The following SEC14L5 variants were observed in gnomAD, a reference collection of about 807,000 sequenced individuals.
The protein encoded by SEC14L5 is SEC14-like protein 5.
SEC14L5 carries 96 observed loss-of-function variants against 84.6 expected under a neutral mutation model. The ratio of observed to expected loss-of-function variants is 1.13; its 90% confidence interval spans 0.96 to 1.34. The LOEUF (loss-of-function observed/expected upper bound fraction) is 1.34. Ranked by LOEUF, SEC14L5 falls within the 40% of genes most tolerant of loss-of-function variation. SEC14L5 has a pLI of 0.00. For synonymous variants in SEC14L5, 546 were observed against 383.4 expected, an observed-to-expected ratio of 1.42 and a Z score of -4.95; for missense variants, 1,224 against 942.5, an observed-to-expected ratio of 1.30 and a Z score of -3.91.
intron 8 of SEC14L5, among the ~76,000 whole-genome samples, chr16:4,999,083 G>A (rs1955647528): frequency 6.6e-6 from 1 of 152,136 alleles, no homozygotes; most frequent in African/African-American, 2.4e-5. Flanking sequence ...CCTATTTAAT[G>A]CCACATTGTT....
At chr16:5,013,881 T>TG (rs1426536857) in intron 15 of SEC14L5, among the ~76,000 whole-genome samples, 2 of 151,848 alleles carry the variant, frequency 1.3e-5, no homozygotes, top group African/African-American at 4.8e-5. Context: ...TTTGTAGAGA[T>TG]GGGGTCTCAC....
chr16:5,011,047 T>A (rs946072934), intron 14 of SEC14L5, 48 bp from the exon 15 acceptor site: 25 of 1,534,922 alleles, frequency 1.6e-5, no homozygotes, highest in Non-Finnish European at 2.2e-5. Context: ...CTCCTTGACC[T>A]GTCCTCTGGA....
At chr16:4,998,253 C>G (rs558921945) in intron 8 of SEC14L5, among the ~76,000 whole-genome samples, 18 of 151,460 alleles carry the variant, frequency 1.2e-4, no homozygotes, top group African/African-American at 4.4e-4. Context: ...GTGATCCGCC[C>G]GCCTTGGCCT....
Position 5,007,427 on chromosome 16 carries a change from C to T in SEC14L5, c.1513C>T (p.Leu505=). 1 of 1,613,854 alleles carries T rather than the reference C, an allele frequency of 6.2e-7. No homozygotes were observed. Among genetic ancestry groups the T allele is most frequent in the Non-Finnish European group, 8.5e-7 (1 of 1,179,826 alleles). Reference sequence around the variant, plus strand: ...AGAGGAGCAGGAGCACACGGACCAGCTGTGGCAGTGGAGTGAGACCTACCA... The same window carrying T: ...AGAGGAGCAGGAGCACACGGACCAGTTGTGGCAGTGGAGTGAGACCTACCA... ...TEEEQEHTDQ[L]WQWSETYHSA... The change falls in exon 13 of 16, where the codon CTG becomes TTG. Residue 505 remains leucine, a synonymous_variant. Coordinates refer to ENST00000251170, the MANE Select transcript of SEC14L5 (RefSeq NM_014692.2).
chr16:4,971,655 G>A (rs997669535), intron 2 of SEC14L5, among the ~76,000 whole-genome samples: 7 of 152,172 alleles, frequency 4.6e-5, no homozygotes, highest in Non-Finnish European at 1.0e-4. Context: ...AGAGCTTTGG[G>A]CTGCGCACCT....
chr16:4,970,889 C>T (rs1955268225), intron 2 of SEC14L5, among the ~76,000 whole-genome samples: 1 of 152,120 alleles, frequency 6.6e-6, no homozygotes, highest in South Asian at 2.1e-4. Context: ...GCGGGTGGAT[C>T]ACGAGGTCAG....
At chr16:4,977,537 C>G (rs1282221139) in intron 2 of SEC14L5, among the ~76,000 whole-genome samples, 3 of 148,176 alleles carry the variant, frequency 2.0e-5, no homozygotes, top group South Asian at 4.3e-4. Context: ...TAAATGCCTA[C>G]CAAGGGCAAC....
intron 1 of SEC14L5, among the ~76,000 whole-genome samples, chr16:4,958,782 CAT>C (rs1451962843): frequency 6.6e-6 from 1 of 151,970 alleles, no homozygotes; most frequent in African/African-American, 2.4e-5. Flanking sequence ...TGCGTGTGTA[CAT>C]GTGTGTGATA....
rs1455898753 is a variant in SEC14L5 at position 4,978,155 on chromosome 16, C to CT, written c.64-9401dup. On this transcript the variant is annotated intron_variant, in intron 2 of 15. Transcript: ENST00000251170. ...CTTGGCCGGGCGCGGTGGCTCACGC[C>CT]TGTAATCCCAGCACTTTGGGAGGGC... Among the ~76,000 whole-genome samples, 5 of 98,460 alleles carry CT rather than the reference C, an allele frequency of 5.1e-5. 1 individual carries two copies. The highest frequency in any genetic ancestry group is 3.3e-4 in the Admixed American group (3 of 9,178). 64.6% of individuals were successfully genotyped at this position (98,460 alleles called of 152,430 possible). A position where few individuals can be genotyped will look rare whatever the true frequency, so the allele number is the denominator to read the frequency against.
At chr16:4,991,162 CTTTTTTTTTTTTT>C (rs35980290) in intron 5 of SEC14L5, among the ~76,000 whole-genome samples, 3 of 85,476 alleles carry the variant, frequency 3.5e-5, no homozygotes, top group Non-Finnish European at 6.9e-5. Flanking sequence ...TTCTGTGGTG[CTTTTTTTTTTTTT>C]TTTTTTTTTT....
intron 2 of SEC14L5, among the ~76,000 whole-genome samples, chr16:4,961,260 G>A (rs770814449): frequency 2.6e-5 from 4 of 152,102 alleles, no homozygotes; most frequent in East Asian, 1.9e-4. Flanking sequence ...GTGACAGAGC[G>A]AGACTCCGTC....
chr16:4,986,875 A>G (rs912469104), intron 2 of SEC14L5, among the ~76,000 whole-genome samples: 1 of 152,118 alleles, frequency 6.6e-6, no homozygotes, highest in Non-Finnish European at 1.5e-5. Context: ...TATTGGTTTT[A>G]TATCCTGCAA....
In SEC14L5 at chr16:4,990,674, C is replaced by A. The variant is rs867858814; in HGVS notation, c.346-93C>A. The A allele has an allele frequency of 5.4e-6, 7 of 1,288,490 alleles. No individual in the cohort carries two copies. In the East Asian group the frequency reaches 1.6e-4, roughly 30 times the overall value. The allele number at this position is 1,288,490 out of a possible 1,614,324, so 79.8% of individuals were successfully genotyped here. A position where few individuals can be genotyped will look rare whatever the true frequency, so the allele number is the denominator to read the frequency against. On this transcript the variant is annotated intron_variant, in intron 4 of 15. Transcript: ENST00000251170. ...GGCTTGATCTGCTTTCCACTGCAGG[C>A]TCTGCCTGGGCCCAGGTCAGTGGGA...
chr16:4,972,626 G>A (rs1299815766), intron 2 of SEC14L5, among the ~76,000 whole-genome samples: 1 of 152,214 alleles, frequency 6.6e-6, no homozygotes, highest in Non-Finnish European at 1.5e-5. Flanking sequence ...TGGACACAAT[G>A]TCTTCCAGGT....
chr16:5,003,472 C>G lies in SEC14L5; in HGVS notation c.1201C>G (p.Leu401Val), dbSNP rs746778339. 1 of 1,613,228 alleles carries G rather than the reference C, an allele frequency of 6.2e-7. No homozygotes were observed. Among genetic ancestry groups the G allele is most frequent in the East Asian group, 2.2e-5 (1 of 44,878 alleles). ...RHLWRPGVKALLRMIEVVEDN... is the reference protein window; with the variant it reads ...RHLWRPGVKAVLRMIEVVEDN... ...CCTGTGGCGGCCGGGGGTGAAGGCC[C>G]TGCTGCGGATGATTGAGGTGGTTGA... Residue 401 changes from leucine (L) to valine (V), a missense_variant, in exon 11 of 16, where the codon CTG (leucine) becomes GTG (valine). Leu to Val is a conservative substitution (Grantham distance 32). Transcript: ENST00000251170.
At position 4,971,187 on chromosome 16, in the gene SEC14L5, T is replaced by A. The variant is rs557557762; in HGVS notation, c.63+11801T>A. Among the ~76,000 whole-genome samples, 7 of 151,694 alleles carry A rather than the reference T, an allele frequency of 4.6e-5. No individual in the cohort carries two copies. The East Asian group carries it at 1.4e-3, about 29-fold the overall frequency. ...AACAGGCAAAACTGGCCAGGGGCGG[T>A]GGCTTACGCCTATAATCGTAGCACT... is the stretch of plus-strand genomic sequence containing the variant. On this transcript the variant is annotated intron_variant, in intron 2 of 15. Coordinates refer to ENST00000251170, the MANE Select transcript of SEC14L5 (RefSeq NM_014692.2).
intron 4 of SEC14L5, among the ~76,000 whole-genome samples, chr16:4,988,849 G>A (rs1955523641): frequency 6.6e-6 from 1 of 152,278 alleles, no homozygotes; most frequent in Non-Finnish European, 1.5e-5. Flanking sequence ...GCACCCAGCA[G>A]TGGACCAGGC....
intron 2 of SEC14L5, among the ~76,000 whole-genome samples, chr16:4,973,084 A>T (rs893083281): frequency 1.2e-4 from 19 of 152,254 alleles, no homozygotes; most frequent in Non-Finnish European, 2.2e-4. Context: ...AAACAGGCAT[A>T]CATGAGTCAG....
At chr16:4,959,132 T>C (rs888710952) in intron 1 of SEC14L5, 141 bp from the exon 2 acceptor site, 14 of 602,784 alleles carry the variant, frequency 2.3e-5, no homozygotes, top group Middle Eastern at 8.7e-4. Flanking sequence ...CTGGAGTAAT[T>C]TGGGGGGAAT....
Sources: allele counts gnomAD v4.1 joint callset (sites outside exome capture counted in the v4.1 genomes callset), GRCh38; gene constraint gnomAD v4.1.1; transcripts MANE v1.5; gene names NCBI Gene and HGNC (gene_info 2026-07-23, HGNC 2026-07-21).